Variants in SORBS3 observed in about 807,000 individuals in gnomAD.
SORBS3 encodes vinexin.
SORBS3 carries 69 observed loss-of-function variants against 98.0 expected under a neutral mutation model. That is an observed-to-expected ratio of 0.70 (90% CI 0.58 to 0.86). The LOEUF (loss-of-function observed/expected upper bound fraction) is 0.86. Ranked by LOEUF, SORBS3 falls within the 40% of genes least tolerant of loss-of-function variation. The pLI is 0.00. For synonymous variants in SORBS3, 394 were observed against 355.4 expected, an observed-to-expected ratio of 1.11 and a Z score of -1.22; for missense variants, 954 against 908.5, an observed-to-expected ratio of 1.05 and a Z score of -0.64.
In SORBS3 at chr8:22,554,481, C is replaced by A; in HGVS notation, c.-26C>A. 6.2e-7 allele frequency: 1 copy of A among 1,603,104 alleles called. No homozygotes were observed. Among genetic ancestry groups the A allele is most frequent in the Non-Finnish European group, 8.5e-7 (1 of 1,177,142 alleles). On this transcript the variant is annotated 5_prime_UTR_variant, in exon 2 of 21. Coordinates refer to ENST00000240123, the MANE Select transcript of SORBS3 (RefSeq NM_005775.5). The surrounding 1 kb of genome is among the most constrained non-coding windows in gnomAD (Gnocchi z 6.5). ...CACGCAGAGGAGCAGCTGGCTTGCC[C>A]GGAGTCCTCCCACCTTGACCCAAGC...
intron 4 of SORBS3, among the ~76,000 whole-genome samples, 163 bp from the exon 5 acceptor site, chr8:22,557,966 A>C (rs1840217861): frequency 6.6e-6 from 1 of 152,240 alleles, no homozygotes; most frequent in Non-Finnish European, 1.5e-5. Flanking sequence ...GTGTTACATG[A>C]AGCTATTGTT....
chr8:22,554,933 T>C lies in SORBS3; in HGVS notation c.173T>C (p.Val58Ala). The C allele has an allele frequency of 6.2e-7, 1 of 1,613,522 alleles. No homozygotes were observed. Reference protein sequence around the residue: ...FQFHDPAPRTVCNGGYTPRRD... With the variant: ...FQFHDPAPRTACNGGYTPRRD... Reference sequence around the variant, plus strand: ...TTCCACGACCCCGCGCCCAGGACTGTGTGCAATGGGGGCTACACACCAAGA... The same window carrying C: ...TTCCACGACCCCGCGCCCAGGACTGCGTGCAATGGGGGCTACACACCAAGA... The change falls in exon 3 of 21, where the codon GTG (valine) becomes GCG (alanine). Residue 58 changes from valine to alanine, a missense_variant. Coordinates refer to ENST00000240123, the MANE Select transcript of SORBS3 (RefSeq NM_005775.5). The surrounding 1 kb of genome is among the most constrained non-coding windows in gnomAD (Gnocchi z 6.5).
At chr8:22,565,788 G>C in intron 11 of SORBS3, 38 bp from the exon 12 acceptor site, 1 of 1,319,038 alleles carries the variant, frequency 7.6e-7, no homozygotes. Flanking sequence ...GCTGGGTCCC[G>C]GGGTCGCGGG....
At chr8:22,574,641 A>G (rs777271905) in intron 20 of SORBS3, 26 bp from the exon 21 acceptor site, 1 of 1,611,542 alleles carries the variant, frequency 6.2e-7, no homozygotes, top group African/African-American at 1.3e-5. Flanking sequence ...GAGTGGGGAA[A>G]GCTCTTCCTG....
intron 5 of SORBS3, among the ~76,000 whole-genome samples, chr8:22,559,033 A>G (rs982204144): frequency 5.3e-5 from 8 of 152,228 alleles, no homozygotes; most frequent in Admixed American, 4.6e-4. Flanking sequence ...TAAGGACTTC[A>G]GCTTTTACGG....
At chr8:22,572,546 C>T (rs926985897) in intron 20 of SORBS3, 100 bp downstream of exon 20, 8 of 949,612 alleles carry the variant, frequency 8.4e-6, no homozygotes, top group African/African-American at 6.4e-5. Flanking sequence ...TCATGGCCGA[C>T]CACCCCCCGA....
chr8:22,557,543 C>T (rs1026149995), intron 4 of SORBS3, among the ~76,000 whole-genome samples: 6 of 152,136 alleles, frequency 3.9e-5, no homozygotes, highest in East Asian at 1.9e-4. Context: ...CAGTGACTCA[C>T]GCCTGTAATC....
upstream of SORBS3, chr8:22,551,644 C>A (rs997481732): frequency 1.3e-6 from 1 of 790,274 alleles, no homozygotes; most frequent in Non-Finnish European, 1.5e-6. This position sits in a 1 kb window ranked among gnomAD's most constrained non-coding sequence, Gnocchi z 5.8. Flanking sequence ...CCCCTCCCGG[C>A]GCCGCCTCCC....
At position 22,552,707 on chromosome 8, in the gene SORBS3, A is replaced by G. The variant is rs116344148; in HGVS notation, c.-56+685A>G. On this transcript the variant is annotated intron_variant, in intron 1 of 20. Coordinates refer to ENST00000240123, the MANE Select transcript of SORBS3 (RefSeq NM_005775.5). ...GCTGTCAGCTGATGGCCCAGGCGGCAGCTGCTGAGCTGCAATTTGGCCCGA... is the reference window on the plus strand; with the variant it reads ...GCTGTCAGCTGATGGCCCAGGCGGCGGCTGCTGAGCTGCAATTTGGCCCGA... 3.7e-3 allele frequency among the ~76,000 whole-genome samples: 559 copies of G among 152,294 alleles called. 2 individuals are homozygous for G. The highest frequency in any genetic ancestry group is 0.013 in the African/African-American group (539 of 41,554).
At chr8:22,559,195 T>G (rs147033382) in intron 5 of SORBS3, among the ~76,000 whole-genome samples, 1 of 152,286 alleles carries the variant, frequency 6.6e-6, no homozygotes, top group Non-Finnish European at 1.5e-5. Flanking sequence ...CCTTTACAAC[T>G]TTGCTTCAAT....
chr8:22,567,142 C>T lies in SORBS3; in HGVS notation c.1272C>T (p.Gly424=), dbSNP rs1339852403. ...DKNWLEGEHH[G]RLGIFPANYV... ...ACTGGCTGGAGGGAGAGCACCACGG[C>T]CGCCTGGGCATCTTCCCTGCTAATT... The change falls in exon 16 of 21, where the codon GGC becomes GGT. Residue 424 remains glycine, a synonymous_variant. Coordinates refer to ENST00000240123, the MANE Select transcript of SORBS3 (RefSeq NM_005775.5). 1 of 1,613,460 alleles carries T rather than the reference C, an allele frequency of 6.2e-7. No individual in the cohort carries two copies. Among genetic ancestry groups the T allele is most frequent in the South Asian group, 1.1e-5 (1 of 91,060 alleles).
At chr8:22,564,417 C>G (rs1586898899) in intron 9 of SORBS3, 48 bp downstream of exon 9, 1 of 1,613,662 alleles carries the variant, frequency 6.2e-7, no homozygotes. Flanking sequence ...TCAGCTGATA[C>G]ATTTTGGAAA....
chr8:22,561,442 A>G, intron 6 of SORBS3, 69 bp downstream of exon 6: 2 of 1,570,412 alleles, frequency 1.3e-6, no homozygotes, highest in Non-Finnish European at 1.8e-6. Flanking sequence ...TGGGGCTGGG[A>G]CTCGCAGCCC....
At chr8:22,565,915 C>T in intron 12 of SORBS3, 43 bp downstream of exon 12, 1 of 1,198,108 alleles carries the variant, frequency 8.3e-7, no homozygotes, top group African/African-American at 1.6e-5. Context: ...TGTCCCAGGC[C>T]GGGCGGGAGG....
chr8:22,569,026 T>C, intron 16 of SORBS3, 122 bp from the exon 17 acceptor site: 1 of 1,009,722 alleles, frequency 9.9e-7, no homozygotes, highest in Admixed American at 3.4e-5. Context: ...TTGTGTCTGG[T>C]GTTTATATCT....
At chr8:22,558,816 G>T (rs11781109) in intron 5 of SORBS3, among the ~76,000 whole-genome samples, 1 of 152,152 alleles carries the variant, frequency 6.6e-6, no homozygotes, top group Admixed American at 6.5e-5. Flanking sequence ...ATTTGTAAGC[G>T]GTGTTTGATC....
chr8:22,574,663 TC>T lies in SORBS3; in HGVS notation c.1955-3del. The T allele has an allele frequency of 6.2e-7, 1 of 1,612,852 alleles. No individual in the cohort carries two copies. Among genetic ancestry groups the T allele is most frequent in the Non-Finnish European group, 8.5e-7 (1 of 1,179,350 alleles). ...GAAAGCTCTTCCTGCCTTTCCTCTT[TC>T]AGGTGTCTCCCGGAGGACCCAGAAA... On this transcript the variant is annotated splice_region_variant and splice_polypyrimidine_tract_variant and intron_variant, in intron 20 of 20. Transcript: ENST00000240123.
At chr8:22,556,373 T>C (rs1840182991) in intron 3 of SORBS3, among the ~76,000 whole-genome samples, 5 of 152,220 alleles carry the variant, frequency 3.3e-5, no homozygotes. Context: ...AATTCAAGTC[T>C]GTCCCCTCTA....
At position 22,567,086 on chromosome 8, in the gene SORBS3, A is replaced by G; in HGVS notation, c.1216A>G (p.Ile406Val). The G allele has an allele frequency of 6.2e-7, 1 of 1,613,300 alleles. No homozygotes were observed. Among genetic ancestry groups the G allele is most frequent in the Non-Finnish European group, 8.5e-7 (1 of 1,179,580 alleles). Residue 406 changes from isoleucine (I) to valine (V), a missense_variant, in exon 16 of 21, where the codon ATT becomes GTT. By Grantham distance (29) the Ile-to-Val change is conservative. Transcript: ENST00000240123. Reference protein sequence around the residue: ...PKELTLQKGDIVYIHKEVDKN... With the variant: ...PKELTLQKGDVVYIHKEVDKN... ...GGAGCTGACTCTGCAGAAGGGTGAC[A>G]TTGTCTACATCCACAAGGAGGTGGA...
Sources: gnomAD v4.1 joint callset for allele counts (sites outside exome capture counted in the v4.1 genomes callset) on GRCh38, gnomAD v4.1.1 for gene constraint, Gnocchi (gnomAD v3.1) non-coding constraint, MANE v1.5 for transcripts, NCBI Gene and HGNC (gene_info 2026-07-23, HGNC 2026-07-21) for gene names.